The following KYNU variants were observed in gnomAD, a reference collection of about 807,000 sequenced individuals.
KYNU encodes the protein L-kynurenine hydrolase.
Under a neutral mutation model 59.2 loss-of-function variants are expected in KYNU, and 54 were observed. The observed-to-expected ratio is 0.91, with a 90% CI of 0.73 to 1.14. The LOEUF is 1.14. Ranked by LOEUF, KYNU falls within the 50% of genes most tolerant of loss-of-function variation. KYNU has a pLI of 0.00. For synonymous variants in KYNU, 177 were observed against 192.0 expected (o/e 0.92, Z 0.65); for missense variants, 567 against 554.4 (o/e 1.02, Z -0.23).
chr2:142,897,372 G>C (rs1288022599), intron 2 of KYNU, among the ~76,000 whole-genome samples: 3 of 152,150 alleles, frequency 2.0e-5, no homozygotes, highest in African/African-American at 4.8e-5. Flanking sequence ...CTTAAGCACT[G>C]TTCCAAATTG....
At chr2:142,951,680 C>A (rs1683994319) in intron 4 of KYNU, among the ~76,000 whole-genome samples, 1 of 152,126 alleles carries the variant, frequency 6.6e-6, no homozygotes. Flanking sequence ...CTATTTGCAC[C>A]ACCCCCAGTT....
At chr2:143,001,703 A>C (rs1293415595) in intron 10 of KYNU, among the ~76,000 whole-genome samples, 1 of 152,144 alleles carries the variant, frequency 6.6e-6, no homozygotes, top group East Asian at 1.9e-4. Flanking sequence ...CTGATTATTT[A>C]TTGAGCAGGA....
At chr2:142,959,000 T>TA (rs1684255992) in intron 7 of KYNU, among the ~76,000 whole-genome samples, 1 of 152,140 alleles carries the variant, frequency 6.6e-6, no homozygotes, top group Admixed American at 6.6e-5. Context: ...CTTCACTTAA[T>TA]AATTCAGATA....
intron 12 of KYNU, 22 bp from the exon 13 acceptor site, chr2:143,040,401 TTAATC>T (rs762878229): frequency 1.6e-4 from 245 of 1,545,198 alleles, no homozygotes; most frequent in Middle Eastern, 1.7e-4. Context: ...ATAAGACACT[TTAATC>T]TGATTGTTTC....
chr2:142,912,703 CT>C (rs1163302368), intron 2 of KYNU, among the ~76,000 whole-genome samples: 1,560 of 71,890 alleles, frequency 0.022, 14 homozygotes, highest in Admixed American at 0.061. Context: ...TTCTTTCTTC[CT>C]TTTTTTTTTT....
intron 10 of KYNU, among the ~76,000 whole-genome samples, chr2:143,021,165 G>T (rs577956422): frequency 6.6e-6 from 1 of 151,832 alleles, no homozygotes; most frequent in East Asian, 1.9e-4. Context: ...ATGTACTCTT[G>T]TACTAGAAAG....
intron 2 of KYNU, among the ~76,000 whole-genome samples, chr2:142,905,274 C>T (rs1167664365): frequency 3.3e-5 from 5 of 152,122 alleles, no homozygotes; most frequent in African/African-American, 1.2e-4. Flanking sequence ...AAAAGATGGG[C>T]TTGCTGGTTT....
intron 8 of KYNU, among the ~76,000 whole-genome samples, chr2:142,970,396 TTAAAA>T (rs1304171202): frequency 1.3e-5 from 2 of 152,188 alleles, no homozygotes; most frequent in African/African-American, 4.8e-5. Flanking sequence ...AATAAATATT[TTAAAA>T]TAAAGTAAAT....
rs773437936 is a variant in KYNU at position 142,927,719 on chromosome 2, A to G, written c.351A>G (p.Val117=). ...GGATTACAGGAGATGAGAGTATTGT[A>G]GGCCTTATGAAGGACATTGTAGGTA... The part of the protein sequence containing the change: ...RPWITGDESI[V]GLMKDIVGAN... The change falls in exon 4 of 14, where the codon GTA becomes GTG. Residue 117 remains valine, a synonymous_variant. Transcript: ENST00000264170. 1 of 1,612,034 alleles carries G rather than the reference A, an allele frequency of 6.2e-7. No individual in the cohort carries two copies. The highest frequency in any genetic ancestry group is 8.5e-7 in the Non-Finnish European group (1 of 1,178,228).
intron 10 of KYNU, among the ~76,000 whole-genome samples, chr2:142,995,490 G>A (rs1333488424): frequency 6.6e-6 from 1 of 152,072 alleles, no homozygotes; most frequent in African/African-American, 2.4e-5. Context: ...ATAGCATTAA[G>A]TCAGCTAACT....
intron 4 of KYNU, among the ~76,000 whole-genome samples, chr2:142,951,973 A>G (rs775882033): frequency 3.3e-5 from 5 of 152,370 alleles, no homozygotes; most frequent in Admixed American, 6.5e-5. Context: ...GGAGGGGAAC[A>G]TGTGTGTAGG....
intron 10 of KYNU, among the ~76,000 whole-genome samples, chr2:143,013,015 C>T (rs1420054825): frequency 6.6e-6 from 1 of 152,020 alleles, no homozygotes; most frequent in Non-Finnish European, 1.5e-5. Flanking sequence ...GACAAAGTCT[C>T]ACTATGTTGT....
intron 10 of KYNU, among the ~76,000 whole-genome samples, chr2:143,023,333 A>G (rs113999137): frequency 2.1e-3 from 319 of 152,010 alleles, no homozygotes; most frequent in Non-Finnish European, 3.6e-3. Flanking sequence ...CTCAGATACC[A>G]TGGTCAGCAA....
At chr2:143,004,487 G>A (rs1363640836) in intron 10 of KYNU, among the ~76,000 whole-genome samples, 1 of 152,180 alleles carries the variant, frequency 6.6e-6, no homozygotes, top group Non-Finnish European at 1.5e-5. Flanking sequence ...GAGGTCAGTG[G>A]ATCACTTGAG....
At chr2:143,001,996 T>C (rs1235284947) in intron 10 of KYNU, among the ~76,000 whole-genome samples, 1 of 152,162 alleles carries the variant, frequency 6.6e-6, no homozygotes, top group East Asian at 1.9e-4. Flanking sequence ...GCCAGGCCAT[T>C]CTTAAATGTT....
intron 10 of KYNU, among the ~76,000 whole-genome samples, chr2:142,991,807 G>A (rs918398311): frequency 3.3e-5 from 5 of 151,722 alleles, no homozygotes; most frequent in East Asian, 1.9e-4. Context: ...TAGAAGAAAC[G>A]AACTTTTATT....
intron 2 of KYNU, among the ~76,000 whole-genome samples, chr2:142,914,508 T>C (rs577890723): frequency 2.0e-5 from 3 of 152,350 alleles, no homozygotes; most frequent in East Asian, 3.9e-4. Context: ...CATTTTTCTT[T>C]AGAGTGCTTC....
intron 1 of KYNU, among the ~76,000 whole-genome samples, chr2:142,878,685 C>G (rs1573739100): frequency 6.6e-6 from 1 of 152,134 alleles, no homozygotes; most frequent in Non-Finnish European, 1.5e-5. Flanking sequence ...TCGTTAAAAT[C>G]AATCAGTTTT....
chr2:142,898,401 C>A (rs1183501407), intron 2 of KYNU, among the ~76,000 whole-genome samples: 1 of 151,726 alleles, frequency 6.6e-6, no homozygotes, highest in Non-Finnish European at 1.5e-5. Context: ...GATGAGCTTT[C>A]ATTCTTAGCT....
Sources: allele counts gnomAD v4.1 joint callset (sites outside exome capture counted in the v4.1 genomes callset), GRCh38; gene constraint gnomAD v4.1.1; transcripts MANE v1.5; gene names NCBI Gene and HGNC (gene_info 2026-07-23, HGNC 2026-07-21).